PRKN: variants seen among roughly 807,000 people sequenced by gnomAD.
The protein encoded by PRKN is E3 ubiquitin-protein ligase parkin.
In PRKN, 56 loss-of-function variants were observed where a neutral mutation model predicts 59.5. The ratio of observed to expected loss-of-function variants is 0.94; its 90% CI spans 0.76 to 1.18. The LOEUF (loss-of-function observed/expected upper bound fraction) is 1.18, where lower values mean the gene tolerates loss of function less well. Ranked by LOEUF, PRKN falls within the 50% of genes most tolerant of loss-of-function variation. The probability of loss-of-function intolerance (pLI) is 0.00; values close to 1 mark genes in which losing one functional copy is unlikely to be tolerated. For missense variants in PRKN, 657 were observed against 596.4 expected, an observed-to-expected ratio of 1.10 and a Z score of -1.06; for synonymous variants, 250 against 222.1, an observed-to-expected ratio of 1.13 and a Z score of -1.12.
At chr6:162,255,186 C>T (rs545691371) in intron 3 of PRKN, among the ~76,000 whole-genome samples, 2 of 152,068 alleles carry the variant, frequency 1.3e-5, no homozygotes, top group African/African-American at 2.4e-5. Flanking sequence ...GGTTGGGGAC[C>T]TAGCACCTGT....
intron 2 of PRKN, among the ~76,000 whole-genome samples, chr6:162,385,906 A>C (rs1786778360): frequency 1.3e-5 from 2 of 152,198 alleles, no homozygotes; most frequent in Non-Finnish European, 2.9e-5. Flanking sequence ...TTCAAAAAGT[A>C]ACTTCAAATT....
At chr6:162,557,367 C>T (rs1358860645) in intron 1 of PRKN, among the ~76,000 whole-genome samples, 1 of 152,222 alleles carries the variant, frequency 6.6e-6, no homozygotes, top group Non-Finnish European at 1.5e-5. Flanking sequence ...GTCCCAACAC[C>T]ATTCCCCCCA....
At chr6:162,333,710 G>A (rs540437830) in intron 2 of PRKN, among the ~76,000 whole-genome samples, 8 of 152,174 alleles carry the variant, frequency 5.3e-5, no homozygotes, top group African/African-American at 1.7e-4. Context: ...ATAATGCTAC[G>A]ACGGCATCTA....
intron 2 of PRKN, among the ~76,000 whole-genome samples, chr6:162,324,303 A>G (rs1350868591): frequency 1.3e-5 from 2 of 151,806 alleles, no homozygotes; most frequent in East Asian, 1.9e-4. Flanking sequence ...AGGTGCCGCA[A>G]AGCAGCACAG....
chr6:162,415,714 G>A (rs1788596306), intron 2 of PRKN, among the ~76,000 whole-genome samples: 1 of 152,118 alleles, frequency 6.6e-6, no homozygotes, highest in Non-Finnish European at 1.5e-5. Flanking sequence ...CTACTTGGGA[G>A]GCTGAGGCAA....
intron 1 of PRKN, among the ~76,000 whole-genome samples, chr6:162,642,497 A>T (rs907450763): frequency 1.3e-5 from 2 of 152,064 alleles, no homozygotes; most frequent in African/African-American, 4.8e-5. Context: ...ATAAAACATA[A>T]TCACTGTTAT....
Position 161,694,405 on chromosome 6 carries a change from C to T in PRKN, c.871+91367G>A, listed in dbSNP as rs959148816. Reference sequence around the variant, plus strand: ...TTGAATTGTGGTACAATATACATAACGTAAATACCCTTTGGGGTTTTTTTT... The same window carrying T: ...TTGAATTGTGGTACAATATACATAATGTAAATACCCTTTGGGGTTTTTTTT... On this transcript the variant is annotated intron_variant, in intron 7 of 11. Transcript: ENST00000366898. 6.6e-5 allele frequency among the ~76,000 whole-genome samples: 10 copies of T among 152,070 alleles called. No individual in the cohort carries two copies. The South Asian group carries it at 1.2e-3, about 19-fold the overall frequency.
chr6:162,511,558 G>A (rs1448823469), intron 1 of PRKN, among the ~76,000 whole-genome samples: 1 of 152,124 alleles, frequency 6.6e-6, no homozygotes, highest in Admixed American at 6.5e-5. Flanking sequence ...AAAGGGAATA[G>A]GAAATCAGAA....
Position 161,399,964 on chromosome 6 carries a change from T to C in PRKN, c.1084-13087A>G, listed in dbSNP as rs1481499280. Reference sequence around the variant, plus strand: ...TTTCAACATGCAATCGATATAAAAATTGGTAATGAGTTATTTTATATTCAT... The same window carrying C: ...TTTCAACATGCAATCGATATAAAAACTGGTAATGAGTTATTTTATATTCAT... On this transcript the variant is annotated intron_variant, in intron 9 of 11. Transcript: ENST00000366898. The surrounding 1 kb of genome is among the most constrained non-coding windows in gnomAD (Gnocchi z 4.4). Among the ~76,000 whole-genome samples, 1 of 152,214 alleles carries C rather than the reference T, an allele frequency of 6.6e-6. No individual in the cohort carries two copies. Among genetic ancestry groups the C allele is most frequent in the East Asian group, 1.9e-4 (1 of 5,200 alleles).
intron 8 of PRKN, among the ~76,000 whole-genome samples, chr6:161,567,576 T>C (rs1780703648): frequency 6.6e-6 from 1 of 152,102 alleles, no homozygotes; most frequent in Non-Finnish European, 1.5e-5. Context: ...TGTGTGTGTG[T>C]GTTTGCGCGT....
chr6:161,449,525 C>T (rs117508964), intron 9 of PRKN, among the ~76,000 whole-genome samples: 1 of 152,266 alleles, frequency 6.6e-6, no homozygotes, highest in Non-Finnish European at 1.5e-5. Context: ...GACAAAAAGA[C>T]TCTCTTTTCA....
intron 1 of PRKN, among the ~76,000 whole-genome samples, chr6:162,667,308 A>G (rs1177046773): frequency 1.3e-5 from 2 of 152,088 alleles, no homozygotes; most frequent in Admixed American, 1.3e-4. Context: ...ATTTTTTACA[A>G]TTTTAAACGG....
At chr6:162,320,343 T>G (rs571583941) in intron 2 of PRKN, among the ~76,000 whole-genome samples, 1 of 22,794 alleles carries the variant, frequency 4.4e-5, no homozygotes, top group South Asian at 1.1e-3. Flanking sequence ...TTTAAAACTG[T>G]AATAGAAATA....
intron 1 of PRKN, among the ~76,000 whole-genome samples, chr6:162,681,778 T>C (rs1320377256): frequency 1.3e-5 from 2 of 152,106 alleles, no homozygotes; most frequent in Non-Finnish European, 2.9e-5. Flanking sequence ...AAGTGGCCAA[T>C]GGGAAACCTC....
intron 6 of PRKN, among the ~76,000 whole-genome samples, chr6:161,949,465 T>C (rs1790016): frequency 0.57 from 86,501 of 151,912 alleles, 24,876 homozygotes; most frequent in African/African-American, 0.65. Context: ...GAGCCGAGTT[T>C]GCGCCACTGC....
intron 7 of PRKN, among the ~76,000 whole-genome samples, chr6:161,611,550 T>C (rs1344041071): frequency 6.6e-6 from 1 of 152,206 alleles, no homozygotes; most frequent in Non-Finnish European, 1.5e-5. Context: ...TGTGATTGTT[T>C]GGGAGCACCA....
rs1343845358 is a variant in PRKN, at chr6:161,538,701, C to T, written c.1083+10153G>A. ...ATCTCAGGAAATGTGATTTCTACATCTGTTGCAGATCCTTGGAGACCAGTG... is the reference window on the plus strand; with the variant it reads ...ATCTCAGGAAATGTGATTTCTACATTTGTTGCAGATCCTTGGAGACCAGTG... On this transcript the variant is annotated intron_variant, in intron 9 of 11. Transcript: ENST00000366898. This position sits in a 1 kb window ranked among gnomAD's most constrained non-coding sequence, Gnocchi z 4.2. Among the ~76,000 whole-genome samples, 1 of 152,168 alleles carries T rather than the reference C, an allele frequency of 6.6e-6. No homozygotes were observed. Among genetic ancestry groups the T allele is most frequent in the Non-Finnish European group, 1.5e-5 (1 of 68,024 alleles).
At chr6:162,682,217 T>C (rs1313570213) in intron 1 of PRKN, among the ~76,000 whole-genome samples, 2 of 152,004 alleles carry the variant, frequency 1.3e-5, no homozygotes, top group African/African-American at 4.8e-5. Context: ...ATCCCAGCTA[T>C]GCAACCACAG....
Position 161,511,503 on chromosome 6 carries a change from T to A in PRKN, c.1083+37351A>T, listed in dbSNP as rs116946626. ...TAAAGAAAATAAGTATTATGAAGGA[T>A]GAGCAAAATAATAATGCATCTTTCA... On this transcript the variant is annotated intron_variant, in intron 9 of 11. Coordinates refer to ENST00000366898, the MANE Select transcript of PRKN (RefSeq NM_004562.3). Among the ~76,000 whole-genome samples the A allele has an allele frequency of 1.9e-3, 283 of 152,290 alleles. 1 individual carries two copies. The highest frequency in any genetic ancestry group is 3.4e-3 in the Non-Finnish European group (232 of 68,018).
Sources: gnomAD v4.1 joint callset for allele counts (sites outside exome capture counted in the v4.1 genomes callset) on GRCh38, gnomAD v4.1.1 for gene constraint, Gnocchi (gnomAD v3.1) non-coding constraint, MANE v1.5 for transcripts, NCBI Gene and HGNC (gene_info 2026-07-23, HGNC 2026-07-21) for gene names.